CNBD2: variants seen among roughly 807,000 people sequenced by gnomAD.
CNBD2 encodes the protein cyclic nucleotide-binding domain-containing protein 2.
Under a neutral mutation model 63.7 loss-of-function variants are expected in CNBD2, and 64 were observed. The ratio of observed to expected loss-of-function variants is 1.00; its 90% CI spans 0.82 to 1.24. CNBD2 has a LOEUF of 1.24. Ranked by LOEUF, CNBD2 falls within the 50% of genes most tolerant of loss-of-function variation. The probability of loss-of-function intolerance (pLI) is 0.00; values close to 1 mark genes in which losing one functional copy is unlikely to be tolerated. For synonymous variants in CNBD2, 229 were observed against 255.4 expected (o/e 0.90, Z 0.99); for missense variants, 691 against 713.5 (o/e 0.97, Z 0.36).
At chr20:35,999,682 T>A (rs956491714) in intron 8 of CNBD2, among the ~76,000 whole-genome samples, 1 of 150,876 alleles carries the variant, frequency 6.6e-6, no homozygotes, top group African/African-American at 2.4e-5. Flanking sequence ...GTATCTTCTT[T>A]TTTTTTTTTT....
rs777273640 is a variant in CNBD2 at position 35,995,067 on chromosome 20, C to A, written c.885C>A (p.Asp295Glu). Residue 295 changes from aspartate (D) to glutamate (E), a missense_variant, in exon 8 of 12, where the codon GAC becomes GAA. Transcript: ENST00000373973. ...GCTGTGAAGTCCTGCGGCTGTTGGA[C>A]CTTGGGGCCTCCCCTTCCTACCGTA... Reference protein sequence around the residue: ...KGSCEVLRLLDLGASPSYRRW... With the variant: ...KGSCEVLRLLELGASPSYRRW... 29 of 1,614,004 alleles carry A rather than the reference C, an allele frequency of 1.8e-5. No homozygotes were observed. Among genetic ancestry groups the A allele is most frequent in the Non-Finnish European group, 2.2e-5 (26 of 1,179,980 alleles).
At chr20:35,975,536 G>T (rs192675560) in intron 2 of CNBD2, among the ~76,000 whole-genome samples, 1 of 150,530 alleles carries the variant, frequency 6.6e-6, no homozygotes, top group East Asian at 1.9e-4. Flanking sequence ...TCCTGACCTC[G>T]TGATCCGCCC....
chr20:35,959,656 T>C (rs1161376993), downstream of CNBD2, among the ~76,000 whole-genome samples: 1 of 152,214 alleles, frequency 6.6e-6, no homozygotes, highest in Admixed American at 6.5e-5. Flanking sequence ...AGAGCTACAA[T>C]TCAAGATGAG....
chr20:35,993,052 C>T (rs541721736), intron 7 of CNBD2, among the ~76,000 whole-genome samples: 10 of 152,150 alleles, frequency 6.6e-5, no homozygotes, highest in African/African-American at 2.4e-4. Context: ...CATAGTGGAA[C>T]TGTTCTCTCC....
intron 2 of CNBD2, among the ~76,000 whole-genome samples, chr20:35,961,064 G>A (rs2056305647): frequency 6.6e-6 from 1 of 152,058 alleles, no homozygotes; most frequent in African/African-American, 2.4e-5. Flanking sequence ...CGAGTAGCTG[G>A]GATTACAGAC....
chr20:36,000,252 G>GT (rs1406827236), intron 8 of CNBD2, among the ~76,000 whole-genome samples: 12 of 151,534 alleles, frequency 7.9e-5, no homozygotes, highest in Non-Finnish European at 1.2e-4. Flanking sequence ...AAGTTGACAG[G>GT]TTTTTTCTTT....
chr20:36,010,313 C>T (rs573533188), intron 9 of CNBD2, among the ~76,000 whole-genome samples: 1 of 152,242 alleles, frequency 6.6e-6, no homozygotes, highest in East Asian at 1.9e-4. Flanking sequence ...TTTCCAAGCT[C>T]CTGGCCTCCA....
chr20:35,975,843 C>T, intron 2 of CNBD2, 106 bp from the exon 3 acceptor site: 1 of 1,037,362 alleles, frequency 9.6e-7, no homozygotes, highest in South Asian at 1.4e-5. Context: ...TTTCCCATGG[C>T]TTCCTGCCCA....
chr20:35,987,078 G>T (rs943773076), intron 6 of CNBD2, among the ~76,000 whole-genome samples: 1 of 145,000 alleles, frequency 6.9e-6, no homozygotes, highest in East Asian at 2.2e-4. Context: ...GGATGGCAGG[G>T]CTGGAGGAGG....
rs537157722 is a variant in CNBD2, at chr20:36,001,882, G to A, written c.971-6415G>A. ...CTCCTCACTTCCTAGATGGGATGGC[G>A]GCCGGGCAGAGACGCTCCTCACTTC... On this transcript the variant is annotated intron_variant, in intron 8 of 11. Coordinates refer to ENST00000373973, the MANE Select transcript of CNBD2 (RefSeq NM_001365709.1). 1.2e-4 allele frequency among the ~76,000 whole-genome samples: 18 copies of A among 150,616 alleles called. No homozygotes were observed. In the East Asian group the frequency reaches 1.2e-3, roughly 10 times the overall value.
upstream of CNBD2, among the ~76,000 whole-genome samples, chr20:35,967,183 AC>A (rs1391042507): frequency 7.2e-6 from 1 of 139,764 alleles, no homozygotes; most frequent in Admixed American, 7.6e-5. Context: ...AGTCATGGAG[AC>A]TCCCACCTGC....
intron 8 of CNBD2, among the ~76,000 whole-genome samples, chr20:36,000,704 G>A (rs1379651594): frequency 2.0e-5 from 3 of 148,510 alleles, no homozygotes; most frequent in Admixed American, 6.7e-5. Context: ...GATTATAGGC[G>A]TCCACCACCA....
At chr20:36,024,180 C>T (rs1328434189) in intron 11 of CNBD2, among the ~76,000 whole-genome samples, 3 of 151,160 alleles carry the variant, frequency 2.0e-5, no homozygotes, top group African/African-American at 4.9e-5. Context: ...TACTAAAAAC[C>T]CAAAATTAGC....
intron 1 of CNBD2, among the ~76,000 whole-genome samples, chr20:35,971,799 A>G (rs1210032152): frequency 5.3e-5 from 8 of 152,102 alleles, no homozygotes; most frequent in Non-Finnish European, 1.2e-4. Context: ...ATCTTTATTA[A>G]TCTAGAGCAG....
chr20:36,029,231 C>A (rs2057315672), intron 11 of CNBD2, among the ~76,000 whole-genome samples: 1 of 152,140 alleles, frequency 6.6e-6, no homozygotes, highest in Non-Finnish European at 1.5e-5. Context: ...TTTGGTGAAT[C>A]CCTTAGCCTC....
chr20:35,984,566 A>G, intron 5 of CNBD2, 61 bp from the exon 6 acceptor site: 2 of 1,571,536 alleles, frequency 1.3e-6, no homozygotes, highest in Non-Finnish European at 1.7e-6. Context: ...AGATGTGTGT[A>G]AGGCTGAGGA....
intron 1 of CNBD2, 105 bp from the exon 2 acceptor site, chr20:35,972,514 AGCACACTACT>A: frequency 1.0e-6 from 1 of 977,528 alleles, no homozygotes; most frequent in Non-Finnish European, 1.6e-6. Flanking sequence ...AGCACACTAC[AGCACACTACT>A]GCATTTAATC....
At chr20:35,997,510 G>T (rs1225066559) in intron 8 of CNBD2, among the ~76,000 whole-genome samples, 1 of 152,168 alleles carries the variant, frequency 6.6e-6, no homozygotes, top group Non-Finnish European at 1.5e-5. Context: ...CATAGGCTTG[G>T]AGTCCACTGC....
intron 8 of CNBD2, 46 bp from the exon 9 acceptor site, chr20:36,008,251 A>G (rs199864939): frequency 6.7e-7 from 1 of 1,492,326 alleles, no homozygotes; most frequent in South Asian, 1.2e-5. Flanking sequence ...TAACCATCAT[A>G]TATGCAAAGA....
Sources: gnomAD v4.1 joint callset for allele counts (sites outside exome capture counted in the v4.1 genomes callset) on GRCh38, gnomAD v4.1.1 for gene constraint, MANE v1.5 for transcripts, NCBI Gene and HGNC (gene_info 2026-07-23, HGNC 2026-07-21) for gene names.